Variants in GRM7 observed in about 807,000 individuals in gnomAD.
The protein encoded by GRM7 is glutamate metabotropic receptor 7.
A neutral mutation model predicts 84.5 loss-of-function variants in GRM7; 35 were observed. The ratio of observed to expected loss-of-function variants is 0.41; its 90% CI spans 0.32 to 0.55. The LOEUF (loss-of-function observed/expected upper bound fraction) is 0.55. Among genes scored for constraint, GRM7 ranks in the 20% least tolerant of loss-of-function variants. GRM7 has a pLI of 0.19. For missense variants in GRM7, 1,003 were observed against 1,194.6 expected (o/e 0.84, Z 2.36); for synonymous variants, 487 against 455.1 (o/e 1.07, Z -0.89).
At chr3:7,489,150 A>G (rs1440540765) in intron 7 of GRM7, among the ~76,000 whole-genome samples, 1 of 152,162 alleles carries the variant, frequency 6.6e-6, no homozygotes, top group African/African-American at 2.4e-5. Flanking sequence ...TATTTTTAAA[A>G]ACGTATTTGA....
chr3:7,358,356 A>ACAACTTCCT (rs1553567490), intron 4 of GRM7, among the ~76,000 whole-genome samples: 8 of 125,438 alleles, frequency 6.4e-5, no homozygotes, highest in African/African-American at 1.7e-4. Flanking sequence ...ACTGAGTCCC[A>ACAACTTCCT]GGAGATCATC....
chr3:7,552,286 T>C (rs1397522163), intron 7 of GRM7, among the ~76,000 whole-genome samples: 1 of 152,224 alleles, frequency 6.6e-6, no homozygotes, highest in Non-Finnish European at 1.5e-5. Context: ...CTTTGTAGGG[T>C]ACAGCCCCAC....
chr3:7,581,514 A>G (rs10510367), intron 8 of GRM7, among the ~76,000 whole-genome samples: 2,592 of 152,268 alleles, frequency 0.017, 65 homozygotes, highest in African/African-American at 0.06. Flanking sequence ...TGAACAACCA[A>G]TGAGAAAATA....
At chr3:7,362,759 A>G (rs1461291775) in intron 4 of GRM7, among the ~76,000 whole-genome samples, 1 of 152,146 alleles carries the variant, frequency 6.6e-6, no homozygotes, top group Non-Finnish European at 1.5e-5. Flanking sequence ...GTGTTAATTC[A>G]GATATCAGTC....
chr3:7,064,176 G>A (rs2124973625), intron 1 of GRM7, among the ~76,000 whole-genome samples: 1 of 150,712 alleles, frequency 6.6e-6, no homozygotes, highest in South Asian at 2.1e-4. Context: ...TGAGATTTTG[G>A]TGCACCTATC....
At chr3:7,408,296 T>C (rs1033385723) in intron 4 of GRM7, among the ~76,000 whole-genome samples, 51 of 152,358 alleles carry the variant, frequency 3.3e-4, no homozygotes, top group African/African-American at 1.2e-3. Context: ...TCTGGTGTTA[T>C]ATAATATGCA....
At chr3:7,372,477 T>C (rs1362252550) in intron 4 of GRM7, among the ~76,000 whole-genome samples, 1 of 152,148 alleles carries the variant, frequency 6.6e-6, no homozygotes, top group African/African-American at 2.4e-5. Context: ...ATGCATAAAA[T>C]ATTCTCCCAA....
At chr3:6,940,035 A>G (rs1697831464) in intron 1 of GRM7, among the ~76,000 whole-genome samples, 1 of 152,164 alleles carries the variant, frequency 6.6e-6, no homozygotes, top group Admixed American at 6.5e-5. Context: ...GGGTATTTGG[A>G]AATATATGAA....
At chr3:7,050,471 A>G (rs942194653) in intron 1 of GRM7, among the ~76,000 whole-genome samples, 1 of 151,928 alleles carries the variant, frequency 6.6e-6, no homozygotes, top group African/African-American at 2.4e-5. Context: ...AACACATGTT[A>G]TATCCACTAT....
intron 7 of GRM7, among the ~76,000 whole-genome samples, chr3:7,487,891 A>G (rs1472709502): frequency 1.3e-5 from 2 of 152,132 alleles, no homozygotes; most frequent in African/African-American, 2.4e-5. Flanking sequence ...TGAGAAAACC[A>G]CAGGCTCTAG....
At chr3:7,640,037 C>T (rs1002270380) in intron 8 of GRM7, among the ~76,000 whole-genome samples, 7 of 152,074 alleles carry the variant, frequency 4.6e-5, no homozygotes, top group Non-Finnish European at 1.0e-4. Flanking sequence ...GCCCTGTATT[C>T]CTGAAATGCT....
intron 1 of GRM7, among the ~76,000 whole-genome samples, chr3:7,064,479 T>TATATATATATATATACACACACAC: frequency 1.3e-4 from 13 of 99,376 alleles, no homozygotes; most frequent in South Asian, 6.8e-4. Flanking sequence ...TATATATATA[T>TATATATATATATATACACACACAC]ACACACATAT....
At chr3:7,064,568 T>C (rs1250339883) in intron 1 of GRM7, among the ~76,000 whole-genome samples, 1 of 82,962 alleles carries the variant, frequency 1.2e-5, no homozygotes, top group East Asian at 2.8e-4. Flanking sequence ...TATATATATA[T>C]ATCACAGTTT....
chr3:7,688,652 A>G (rs1700677596), intron 9 of GRM7, among the ~76,000 whole-genome samples: 2 of 152,290 alleles, frequency 1.3e-5, no homozygotes, highest in Non-Finnish European at 1.5e-5. Flanking sequence ...AAGTCTCTTA[A>G]GGTTATGCGT....
intron 4 of GRM7, among the ~76,000 whole-genome samples, chr3:7,372,771 A>G (rs1246848005): frequency 6.6e-6 from 1 of 152,166 alleles, no homozygotes; most frequent in Non-Finnish European, 1.5e-5. Flanking sequence ...AGGAATTTGA[A>G]CAACATCAAA....
intron 1 of GRM7, among the ~76,000 whole-genome samples, chr3:6,888,363 A>G (rs1219671829): frequency 1.3e-5 from 2 of 152,142 alleles, no homozygotes; most frequent in African/African-American, 2.4e-5. Flanking sequence ...TTATGGTTTT[A>G]TGTCTAACGT....
intron 1 of GRM7, among the ~76,000 whole-genome samples, chr3:6,898,513 A>G (rs984468273): frequency 1.5e-4 from 23 of 152,084 alleles, no homozygotes; most frequent in African/African-American, 4.8e-4. Flanking sequence ...GATAAAGTCA[A>G]TATTTGAATA....
intron 1 of GRM7, among the ~76,000 whole-genome samples, chr3:7,041,405 A>G (rs1213400576): frequency 6.6e-6 from 1 of 152,232 alleles, no homozygotes; most frequent in African/African-American, 2.4e-5. Context: ...CTTTCAAAAA[A>G]TAATTTTGGT....
chr3:7,322,063 A>C (rs1244483662), intron 4 of GRM7, among the ~76,000 whole-genome samples: 1 of 152,114 alleles, frequency 6.6e-6, no homozygotes, highest in Non-Finnish European at 1.5e-5. Flanking sequence ...GTTGGGTAAA[A>C]AATAAAAATG....
Sources: allele counts gnomAD v4.1 joint callset (sites outside exome capture counted in the v4.1 genomes callset), GRCh38; gene constraint gnomAD v4.1.1; transcripts MANE v1.5; gene names NCBI Gene and HGNC (gene_info 2026-07-23, HGNC 2026-07-21).